Variants in MAGI2 observed in about 807,000 individuals in gnomAD.
MAGI2 encodes the protein membrane associated guanylate kinase, WW and PDZ domain containing 2, also known as membrane-associated guanylate kinase, WW and PDZ domain-containing protein 2.
Under a neutral mutation model 133.3 loss-of-function variants are expected in MAGI2, and 35 were observed. The ratio of observed to expected loss-of-function variants is 0.26; its 90% CI spans 0.20 to 0.35. MAGI2 has a LOEUF of 0.35. Among genes scored for constraint, MAGI2 ranks in the 10% least tolerant of loss-of-function variants. The pLI, the probability that MAGI2 is intolerant of heterozygous loss-of-function variation, is 1.00. For synonymous variants in MAGI2, 729 were observed against 710.6 expected (o/e 1.03, Z -0.41); for missense variants, 1,636 against 1,863.4 (o/e 0.88, Z 2.25).
intron 1 of MAGI2, among the ~76,000 whole-genome samples, chr7:79,122,425 A>G (rs192908932): frequency 2.5e-3 from 385 of 152,320 alleles, no homozygotes; most frequent in Non-Finnish European, 4.6e-3. Context: ...ATTAAGGCAC[A>G]TAGATGTATA....
intron 9 of MAGI2, among the ~76,000 whole-genome samples, chr7:78,342,591 A>G (rs1333777244): frequency 6.6e-6 from 1 of 152,248 alleles, no homozygotes; most frequent in African/African-American, 2.4e-5. Context: ...TGGATAAAGA[A>G]AATGTGGCAC....
At chr7:79,327,691 A>T (rs1563120050) in intron 1 of MAGI2, among the ~76,000 whole-genome samples, 1 of 152,124 alleles carries the variant, frequency 6.6e-6, no homozygotes, top group African/African-American at 2.4e-5. Context: ...ACACACACAC[A>T]CACTCACTCA....
intron 1 of MAGI2, among the ~76,000 whole-genome samples, chr7:79,041,709 T>A (rs977833012): frequency 1.3e-5 from 2 of 152,124 alleles, no homozygotes; most frequent in African/African-American, 4.8e-5. Context: ...GGCTGACACA[T>A]AATTTCAAAT....
intron 2 of MAGI2, among the ~76,000 whole-genome samples, chr7:78,762,538 C>T (rs1585328925): frequency 6.6e-6 from 1 of 152,070 alleles, no homozygotes; most frequent in African/African-American, 2.4e-5. Flanking sequence ...CAAAAACTCA[C>T]ATTACATTCT....
chr7:78,672,003 G>C (rs1402950745), intron 2 of MAGI2, among the ~76,000 whole-genome samples: 1 of 152,140 alleles, frequency 6.6e-6, no homozygotes, highest in African/African-American at 2.4e-5. Flanking sequence ...AGTGACTAAA[G>C]AGGCAAGTTT....
At chr7:78,149,102 T>C (rs571298280) in intron 16 of MAGI2, among the ~76,000 whole-genome samples, 2 of 152,272 alleles carry the variant, frequency 1.3e-5, no homozygotes, top group South Asian at 2.1e-4. Flanking sequence ...ATTTAATTAT[T>C]TGAAATCAAA....
Position 79,314,247 on chromosome 7 carries a change from T to C in MAGI2, c.301+138773A>G, listed in dbSNP as rs147248813. ...CCTTGGCCTCCCAAAATGCTGGGATTATGGGCATGAGCCACCCTTCTTGGC... is the reference window on the plus strand; with the variant it reads ...CCTTGGCCTCCCAAAATGCTGGGATCATGGGCATGAGCCACCCTTCTTGGC... On this transcript the variant is annotated intron_variant, in intron 1 of 21. Coordinates refer to ENST00000354212, the MANE Select transcript of MAGI2 (RefSeq NM_012301.4). Among the ~76,000 whole-genome samples the C allele has an allele frequency of 6.7e-3, 1,017 of 152,274 alleles. 6 individuals carry two copies. Among genetic ancestry groups the C allele is most frequent in the African/African-American group, 0.023 (964 of 41,548 alleles).
intron 2 of MAGI2, among the ~76,000 whole-genome samples, chr7:78,645,112 G>A (rs75976808): frequency 6.1e-5 from 8 of 131,028 alleles, no homozygotes; most frequent in East Asian, 2.7e-4. Flanking sequence ...ATGTGTGTGC[G>A]TGTGTGTGTG....
intron 2 of MAGI2, among the ~76,000 whole-genome samples, chr7:78,730,930 T>A (rs1821311384): frequency 6.6e-6 from 1 of 152,100 alleles, no homozygotes; most frequent in African/African-American, 2.4e-5. Flanking sequence ...GAAAACAACC[T>A]TAAAAATCTC....
At chr7:78,858,229 G>A (rs1299161696) in intron 2 of MAGI2, among the ~76,000 whole-genome samples, 1 of 151,914 alleles carries the variant, frequency 6.6e-6, no homozygotes, top group Non-Finnish European at 1.5e-5. Context: ...TCTTTTGAAG[G>A]GTTTTTTTGT....
At chr7:78,326,555 C>T (rs1788607523) in intron 9 of MAGI2, among the ~76,000 whole-genome samples, 3 of 152,202 alleles carry the variant, frequency 2.0e-5, no homozygotes, top group African/African-American at 7.2e-5. Context: ...ACTCAATGCA[C>T]ATGCAACCTG....
At chr7:79,419,384 T>C (rs1368653593) in intron 1 of MAGI2, among the ~76,000 whole-genome samples, 1 of 151,920 alleles carries the variant, frequency 6.6e-6, no homozygotes, top group Admixed American at 6.6e-5. Context: ...AAAAGGTCGA[T>C]TACAAAATGA....
At chr7:79,360,017 G>A (rs1012952571) in intron 1 of MAGI2, among the ~76,000 whole-genome samples, 3 of 152,074 alleles carry the variant, frequency 2.0e-5, no homozygotes, top group African/African-American at 4.8e-5. Flanking sequence ...CATCAGAATT[G>A]TCTGAGTCAT....
chr7:78,592,824 TTC>T (rs1366833679), intron 3 of MAGI2, among the ~76,000 whole-genome samples: 6 of 94,832 alleles, frequency 6.3e-5, no homozygotes, highest in African/African-American at 1.9e-4. Flanking sequence ...AAATTACTGA[TTC>T]TCTTTTTTTT....
At chr7:78,193,391 C>G (rs930378717) in intron 12 of MAGI2, among the ~76,000 whole-genome samples, 3 of 152,104 alleles carry the variant, frequency 2.0e-5, no homozygotes, top group Non-Finnish European at 4.4e-5. Flanking sequence ...CTTTATCTTA[C>G]TCTCTATTTG....
Position 79,229,493 on chromosome 7 carries a change from A to G in MAGI2, c.302-222287T>C, listed in dbSNP as rs563423078. 3.9e-5 allele frequency among the ~76,000 whole-genome samples: 6 copies of G among 152,332 alleles called. No individual in the cohort carries two copies. The South Asian group carries it at 1.2e-3, about 32-fold the overall frequency. ...GGCTTCAGCTACTGACTGATACATT[A>G]AAAACATACTGTTTTTGAATCAGTT... On this transcript the variant is annotated intron_variant, in intron 1 of 21. Coordinates refer to ENST00000354212, the MANE Select transcript of MAGI2 (RefSeq NM_012301.4).
chr7:78,129,894 C>CGTT (rs1416820630), intron 18 of MAGI2, among the ~76,000 whole-genome samples: 1 of 136,710 alleles, frequency 7.3e-6, no homozygotes, highest in Non-Finnish European at 1.5e-5. Flanking sequence ...GAGATTGCAC[C>CGTT]GTTGCACTCC....
chr7:78,345,636 T>C (rs765795717), intron 8 of MAGI2: 10 of 340,876 alleles, frequency 2.9e-5, no homozygotes, highest in African/African-American at 4.3e-5. Context: ...CTTATGAGTC[T>C]CTATGAATCT....
At chr7:78,322,829 T>C (rs11972224) in intron 9 of MAGI2, among the ~76,000 whole-genome samples, 36,300 of 151,998 alleles carry the variant, frequency 0.24, 5,802 homozygotes, top group African/African-American at 0.44. Flanking sequence ...TGAATATTAG[T>C]AACTCAGAGT....
Sources: allele counts gnomAD v4.1 joint callset (sites outside exome capture counted in the v4.1 genomes callset), GRCh38; gene constraint gnomAD v4.1.1; transcripts MANE v1.5; gene names NCBI Gene and HGNC (gene_info 2026-07-23, HGNC 2026-07-21).